NKAIN3: variants seen among roughly 807,000 people sequenced by gnomAD.
NKAIN3 encodes the protein sodium/potassium transporting ATPase interacting 3.
A neutral mutation model predicts 30.2 loss-of-function variants in NKAIN3; 25 were observed. The observed-to-expected ratio is 0.83, with a 90% CI of 0.60 to 1.16. The LOEUF is 1.16. Ranked by LOEUF, NKAIN3 falls within the 50% of genes most tolerant of loss-of-function variation. The probability of loss-of-function intolerance (pLI) is 0.00; values close to 1 mark genes in which losing one functional copy is unlikely to be tolerated. For synonymous variants in NKAIN3, 91 were observed against 89.6 expected (o/e 1.02, Z -0.09); for missense variants, 225 against 254.1 (o/e 0.89, Z 0.78).
intron 4 of NKAIN3, among the ~76,000 whole-genome samples, chr8:62,780,959 A>T (rs776832638): frequency 1.3e-5 from 2 of 152,100 alleles, no homozygotes; most frequent in Non-Finnish European, 2.9e-5. Flanking sequence ...AAGAGAAAGA[A>T]AGAAAAGGCC....
intron 1 of NKAIN3, among the ~76,000 whole-genome samples, chr8:62,383,044 A>G (rs1817324373): frequency 6.6e-6 from 1 of 152,078 alleles, no homozygotes; most frequent in East Asian, 1.9e-4. Flanking sequence ...GGTCCTTATA[A>G]TCCTCTGGTC....
intron 1 of NKAIN3, among the ~76,000 whole-genome samples, chr8:62,412,972 A>G (rs1804307967): frequency 6.6e-6 from 1 of 151,978 alleles, no homozygotes. Context: ...ACCTCATGAA[A>G]ACATGGGGAA....
At chr8:62,753,208 G>GCACACA (rs10636968) in intron 4 of NKAIN3, among the ~76,000 whole-genome samples, 1,595 of 147,012 alleles carry the variant, frequency 0.011, 31 homozygotes, top group African/African-American at 0.034. Flanking sequence ...TAAAGAGGAT[G>GCACACA]CACACACACA....
At chr8:62,395,493 G>C (rs1817727852) in intron 1 of NKAIN3, among the ~76,000 whole-genome samples, 1 of 152,170 alleles carries the variant, frequency 6.6e-6, no homozygotes, top group African/African-American at 2.4e-5. Flanking sequence ...AACAAATTGA[G>C]AATCGTCCCA....
rs553958902 is a variant in NKAIN3, at chr8:62,252,234, T to G, written c.54+3107T>G. On this transcript the variant is annotated intron_variant, in intron 1 of 6. Coordinates refer to ENST00000623646, the MANE Select transcript of NKAIN3 (RefSeq NM_001304533.3). ...AACTAGTGAGGGTGTTGAAAGGGGATGGCGTTGGGAGAACACATCTGCTGA... is the reference window on the plus strand; with the variant it reads ...AACTAGTGAGGGTGTTGAAAGGGGAGGGCGTTGGGAGAACACATCTGCTGA... Among the ~76,000 whole-genome samples the G allele has an allele frequency of 2.0e-5, 3 of 152,258 alleles. No homozygotes were observed. The East Asian group carries it at 5.8e-4, about 29-fold the overall frequency.
At chr8:62,572,839 G>C (rs930279457) in intron 1 of NKAIN3, among the ~76,000 whole-genome samples, 1 of 152,134 alleles carries the variant, frequency 6.6e-6, no homozygotes, top group African/African-American at 2.4e-5. Context: ...GGGAATTATG[G>C]GAGCTACAAG....
At chr8:62,595,255 G>T (rs968268210) in intron 3 of NKAIN3, among the ~76,000 whole-genome samples, 2 of 151,902 alleles carry the variant, frequency 1.3e-5, no homozygotes, top group Admixed American at 6.6e-5. Context: ...GATGTTAAAC[G>T]CTTCTGATAC....
At chr8:62,991,927 A>C (rs867248408) in intron 5 of NKAIN3, among the ~76,000 whole-genome samples, 14 of 150,566 alleles carry the variant, frequency 9.3e-5, no homozygotes, top group Middle Eastern at 3.4e-3. Flanking sequence ...AAAAAGAGGA[A>C]TCAGTAGCTG....
intron 4 of NKAIN3, among the ~76,000 whole-genome samples, chr8:62,892,955 A>T (rs1821335384): frequency 6.6e-6 from 1 of 152,178 alleles, no homozygotes; most frequent in Non-Finnish European, 1.5e-5. Flanking sequence ...CCTTTAACTC[A>T]ATAGGCTTTA....
intron 5 of NKAIN3, among the ~76,000 whole-genome samples, chr8:62,995,483 C>G (rs937441453): frequency 1.3e-5 from 2 of 152,152 alleles, no homozygotes; most frequent in African/African-American, 4.8e-5. Flanking sequence ...GACCTTTGTT[C>G]ACACTGCTCT....
At chr8:62,869,713 A>C (rs2130798507) in intron 4 of NKAIN3, among the ~76,000 whole-genome samples, 1 of 152,226 alleles carries the variant, frequency 6.6e-6, no homozygotes, top group Admixed American at 6.5e-5. Flanking sequence ...CTTTGGCCTC[A>C]GACTGAGGGC....
intron 3 of NKAIN3, among the ~76,000 whole-genome samples, chr8:62,616,866 C>T (rs1032404635): frequency 2.6e-5 from 4 of 152,178 alleles, no homozygotes; most frequent in African/African-American, 9.6e-5. Flanking sequence ...CTCTCCAAAT[C>T]TCATGGTGAA....
intron 4 of NKAIN3, among the ~76,000 whole-genome samples, chr8:62,808,688 G>A (rs1404696333): frequency 6.6e-6 from 1 of 152,062 alleles, no homozygotes; most frequent in Non-Finnish European, 1.5e-5. Context: ...AATAGAGTGT[G>A]GGTCACAGAG....
rs200995093 is a variant in NKAIN3, at chr8:62,965,631, A to AAAG, written c.*226_*227insGAA. On this transcript the variant is annotated 3_prime_UTR_variant, in exon 7 of 7. Coordinates refer to ENST00000623646, the MANE Select transcript of NKAIN3 (RefSeq NM_001304533.3). ...ACACTTGTAAGTTGTAAAAAAAAAA[A>AAAG]AAAAAGAAAAAACAGAATTTGGTTT... 3.7e-3 allele frequency: 3,603 copies of AAAG among 977,902 alleles called. 89 individuals are homozygous for AAAG. The African/African-American group carries it at 0.059, about 16-fold the overall frequency. The allele number at this position is 977,902 out of a possible 1,614,324, so 60.6% of individuals were successfully genotyped here. A position where few individuals can be genotyped will look rare whatever the true frequency, so the allele number is the denominator to read the frequency against.
chr8:62,647,961 G>C (rs1234901673), intron 3 of NKAIN3, among the ~76,000 whole-genome samples: 1 of 152,090 alleles, frequency 6.6e-6, no homozygotes, highest in Non-Finnish European at 1.5e-5. Flanking sequence ...GATGCAGGTG[G>C]GGTGGATTTA....
rs553572354 is a variant in NKAIN3 at position 62,974,244 on chromosome 8, T to C, written c.*8837T>C. Among the ~76,000 whole-genome samples, 6 of 151,468 alleles carry C rather than the reference T, an allele frequency of 4.0e-5. No individual in the cohort carries two copies. The highest frequency in any genetic ancestry group is 1.4e-4 in the African/African-American group (6 of 41,554). On this transcript the variant is annotated 3_prime_UTR_variant, in exon 7 of 7. Coordinates refer to ENST00000623646, the MANE Select transcript of NKAIN3 (RefSeq NM_001304533.3). ...ATGGGAATAGCATTGAATCTATAAA[T>C]TACTTTGGGCAGTATGGCCATTTTT...
chr8:62,939,196 C>CAAAAACAAAG (rs1438099654), intron 5 of NKAIN3, among the ~76,000 whole-genome samples: 1 of 151,976 alleles, frequency 6.6e-6, no homozygotes, highest in African/African-American at 2.4e-5. Context: ...TCCAATCTAA[C>CAAAAACAAAG]AAAAACAAAG....
At chr8:62,359,594 G>A (rs781619310) in intron 1 of NKAIN3, among the ~76,000 whole-genome samples, 5 of 152,174 alleles carry the variant, frequency 3.3e-5, no homozygotes, top group Non-Finnish European at 7.3e-5. Context: ...GAGGACCAAT[G>A]GCTGTCATCC....
intron 1 of NKAIN3, among the ~76,000 whole-genome samples, chr8:62,340,281 TTTTTATAA>T (rs1275134387): frequency 6.6e-6 from 1 of 152,000 alleles, no homozygotes; most frequent in African/African-American, 2.4e-5. Context: ...TTGGCCTCTC[TTTTTATAA>T]TTTTTTCCTC....
Sources: gnomAD v4.1 joint callset for allele counts (sites outside exome capture counted in the v4.1 genomes callset) on GRCh38, gnomAD v4.1.1 for gene constraint, MANE v1.5 for transcripts, NCBI Gene and HGNC (gene_info 2026-07-23, HGNC 2026-07-21) for gene names.